Variants in REEP3 observed in about 807,000 individuals in gnomAD.
REEP3 encodes receptor accessory protein 3.
A neutral mutation model predicts 41.3 loss-of-function variants in REEP3; 20 were observed. The ratio of observed to expected loss-of-function variants is 0.48; its 90% CI spans 0.34 to 0.70. The LOEUF (loss-of-function observed/expected upper bound fraction) is 0.70, where lower values mean the gene tolerates loss of function less well. Ranked by LOEUF, REEP3 falls within the 30% of genes least tolerant of loss-of-function variation. The probability of loss-of-function intolerance (pLI) is 0.01; values close to 1 mark genes in which losing one functional copy is unlikely to be tolerated. For synonymous variants in REEP3, 104 were observed against 101.8 expected, an observed-to-expected ratio of 1.02 and a Z score of -0.13; for missense variants, 271 against 308.8, an observed-to-expected ratio of 0.88 and a Z score of 0.92.
chr10:63,600,179 C>G (rs978919395), intron 5 of REEP3, among the ~76,000 whole-genome samples: 1 of 152,018 alleles, frequency 6.6e-6, no homozygotes, highest in Non-Finnish European at 1.5e-5. Flanking sequence ...TAAAACAACT[C>G]TATGGAAATA....
intron 2 of REEP3, among the ~76,000 whole-genome samples, chr10:63,568,650 AT>A (rs10622553): frequency 1.8e-3 from 191 of 109,138 alleles, no homozygotes; most frequent in African/African-American, 3.4e-3. Context: ...ACAACCCAGA[AT>A]TTTTTTTTTT....
intron 2 of REEP3, among the ~76,000 whole-genome samples, chr10:63,569,501 A>G (rs1292872020): frequency 6.6e-6 from 1 of 152,002 alleles, no homozygotes; most frequent in Admixed American, 6.6e-5. Flanking sequence ...AGGAAAAGAA[A>G]GCTAAGTACA....
intron 2 of REEP3, among the ~76,000 whole-genome samples, chr10:63,574,596 T>G (rs530633274): frequency 1.3e-5 from 2 of 152,278 alleles, no homozygotes; most frequent in East Asian, 3.9e-4. Context: ...GTAAACACTA[T>G]TCACAGCTGA....
At chr10:63,529,619 C>T (rs1955400026) in intron 1 of REEP3, among the ~76,000 whole-genome samples, 1 of 151,860 alleles carries the variant, frequency 6.6e-6, no homozygotes, top group African/African-American at 2.4e-5. Flanking sequence ...TGCACTACCA[C>T]ACCCAGCTAA....
chr10:63,538,774 T>C (rs1161396233), intron 1 of REEP3, among the ~76,000 whole-genome samples: 5 of 152,048 alleles, frequency 3.3e-5, no homozygotes, highest in Admixed American at 3.3e-4. Context: ...AAAATGAACA[T>C]TATTAAATGG....
intron 5 of REEP3, among the ~76,000 whole-genome samples, chr10:63,609,766 A>AATAAATAAATAAAT (rs1049459355): frequency 1.3e-5 from 2 of 151,994 alleles, no homozygotes; most frequent in African/African-American, 2.4e-5. Context: ...TCTCTAAATA[A>AATAAATAAATAAAT]ATAAATAAAT....
At chr10:63,585,261 T>C (rs1003387014) in intron 2 of REEP3, among the ~76,000 whole-genome samples, 1 of 152,138 alleles carries the variant, frequency 6.6e-6, no homozygotes, top group African/African-American at 2.4e-5. Context: ...CCCTATTTGT[T>C]GTTACAGTCA....
intron 1 of REEP3, among the ~76,000 whole-genome samples, chr10:63,534,986 C>T (rs1013130806): frequency 1.3e-5 from 2 of 152,192 alleles, no homozygotes; most frequent in Non-Finnish European, 2.9e-5. Flanking sequence ...CACTTGGCTT[C>T]TCTTTTATTC....
intron 1 of REEP3, among the ~76,000 whole-genome samples, chr10:63,537,380 CA>C (rs1564992879): frequency 6.6e-6 from 1 of 151,940 alleles, no homozygotes; most frequent in African/African-American, 2.4e-5. Context: ...TCAGAAAAGA[CA>C]ATAATGATAA....
chr10:63,577,073 T>G (rs1955904593), intron 2 of REEP3, among the ~76,000 whole-genome samples: 1 of 152,222 alleles, frequency 6.6e-6, no homozygotes, highest in South Asian at 2.1e-4. Context: ...CTTGGAAAGT[T>G]ATCAATGTCT....
At chr10:63,614,315 G>T (rs1290133556) in intron 6 of REEP3, among the ~76,000 whole-genome samples, 1 of 152,154 alleles carries the variant, frequency 6.6e-6, no homozygotes, top group Non-Finnish European at 1.5e-5. Flanking sequence ...CCCCAAAACA[G>T]CAGCTTGAAA....
chr10:63,547,999 T>C (rs899343578), intron 1 of REEP3, among the ~76,000 whole-genome samples: 2 of 152,232 alleles, frequency 1.3e-5, no homozygotes, highest in African/African-American at 2.4e-5. Flanking sequence ...TTGACGTTTT[T>C]CCCAAGGATG....
At chr10:63,547,441 G>A (rs186206705) in intron 1 of REEP3, among the ~76,000 whole-genome samples, 33 of 152,176 alleles carry the variant, frequency 2.2e-4, no homozygotes, top group Non-Finnish European at 2.5e-4. Flanking sequence ...AAAGAAAAAT[G>A]GACAAGATAC....
intron 1 of REEP3, among the ~76,000 whole-genome samples, chr10:63,564,941 A>G (rs1323537827): frequency 6.6e-6 from 1 of 152,224 alleles, no homozygotes; most frequent in African/African-American, 2.4e-5. Flanking sequence ...AGGAACGTCA[A>G]TGTGTGATGC....
chr10:63,579,424 T>TTA (rs1282904142), intron 2 of REEP3, among the ~76,000 whole-genome samples: 8 of 152,198 alleles, frequency 5.3e-5, no homozygotes, highest in Non-Finnish European at 1.2e-4. Context: ...TTGAATAAGA[T>TTA]TATATAATAG....
Position 63,618,946 on chromosome 10 carries a change from A to G in REEP3, c.566-709A>G, listed in dbSNP as rs146109517. Among the ~76,000 whole-genome samples, 616 of 152,350 alleles carry G rather than the reference A, an allele frequency of 4.0e-3. 8 individuals are homozygous for G. The highest frequency in any genetic ancestry group is 0.014 in the African/African-American group (600 of 41,576). ...GTAAGTCTTTATAGCTACACATAAC[A>G]GCCTTCTAGCATACTCGCGTGATCT... On this transcript the variant is annotated intron_variant, in intron 6 of 7. Transcript: ENST00000373758.
At chr10:63,549,982 G>A (rs1174738824) in intron 1 of REEP3, among the ~76,000 whole-genome samples, 1 of 152,232 alleles carries the variant, frequency 6.6e-6, no homozygotes, top group African/African-American at 2.4e-5. Flanking sequence ...GCCAGCAAGG[G>A]GTGAGGAGGC....
intron 2 of REEP3, among the ~76,000 whole-genome samples, chr10:63,570,126 C>T (rs759259472): frequency 7.9e-5 from 12 of 152,000 alleles, no homozygotes; most frequent in Non-Finnish European, 1.8e-4. Context: ...ATTTTCATTA[C>T]TAGATTAAAA....
rs145521903 is a variant in REEP3, at chr10:63,620,915, C to T, written c.*46C>T. 1.4e-3 allele frequency: 1,679 copies of T among 1,177,790 alleles called. 14 individuals carry two copies. In the African/African-American group the frequency reaches 0.021, roughly 14 times the overall value. 73.0% of individuals were successfully genotyped at this position (1,177,790 alleles called of 1,614,324 possible). On this transcript the variant is annotated 3_prime_UTR_variant, in exon 8 of 8. Transcript: ENST00000373758. ...CCAAGACAGATTATGCTAAATACAT[C>T]GACTTCATCTTCTAACATGATATAT...
Sources: gnomAD v4.1 joint callset for allele counts (sites outside exome capture counted in the v4.1 genomes callset) on GRCh38, gnomAD v4.1.1 for gene constraint, MANE v1.5 for transcripts, NCBI Gene and HGNC (gene_info 2026-07-23, HGNC 2026-07-21) for gene names.